VPS13D: variants seen among roughly 807,000 people sequenced by gnomAD.
VPS13D encodes intermembrane lipid transfer protein VPS13D.
Under a neutral mutation model 461.9 loss-of-function variants are expected in VPS13D, and 187 were observed. That is an observed-to-expected ratio of 0.40 (90% CI 0.36 to 0.46). The LOEUF (loss-of-function observed/expected upper bound fraction) is 0.46. Among genes scored for constraint, VPS13D ranks in the 20% least tolerant of loss-of-function variants. The pLI is 0.60. For missense variants in VPS13D, 4,711 were observed against 5,364.9 expected (o/e 0.88, Z 3.81); for synonymous variants, 1,951 against 1,986.3 (o/e 0.98, Z 0.47).
At chr1:12,337,585 A>C (rs948619580) in intron 39 of VPS13D, 5 of 152,244 alleles carry the variant, frequency 3.3e-5, no homozygotes, top group East Asian at 1.9e-4. Flanking sequence ...GGCTTTGTTC[A>C]GTCAGGGCTG....
intron 25 of VPS13D, among the ~76,000 whole-genome samples, chr1:12,302,402 T>TA (rs1642448524): frequency 6.6e-6 from 1 of 152,196 alleles, no homozygotes; most frequent in South Asian, 2.1e-4. Flanking sequence ...TTATCAGATA[T>TA]ATCTATGTAT....
intron 6 of VPS13D, among the ~76,000 whole-genome samples, chr1:12,250,725 G>A (rs1640706983): frequency 2.0e-5 from 3 of 152,266 alleles, no homozygotes; most frequent in South Asian, 2.1e-4. Flanking sequence ...CACGAGAGGC[G>A]GAGTGAAAAG....
At chr1:12,400,960 GCGCACACACACACACACACACACA>G (rs1318852131) in intron 61 of VPS13D, among the ~76,000 whole-genome samples, 5 of 130,964 alleles carry the variant, frequency 3.8e-5, no homozygotes, top group African/African-American at 6.1e-5. Context: ...ACCTGCGCGC[GCGCACACACACACACACACACACA>G]CACACACACA....
rs1644336618 is a variant in VPS13D, at chr1:12,385,315, C to T, written c.11426C>T (p.Pro3809Leu). ...SSRSYEVDEL[P>L]VTEQELQKLK... ...CGTTCATATGAAGTGGATGAACTTCCTGTCACCGAACAAGAGCTGCAGAAA... is the reference window on the plus strand; with the variant it reads ...CGTTCATATGAAGTGGATGAACTTCTTGTCACCGAACAAGAGCTGCAGAAA... The change falls in exon 59 of 70, where the codon CCT becomes CTT. Residue 3809 changes from proline to leucine, a missense_variant. Physicochemically the swap from Pro to Leu is moderately conservative, Grantham distance 98. Coordinates refer to ENST00000620676, the MANE Select transcript of VPS13D (RefSeq NM_015378.4). The T allele has an allele frequency of 6.2e-7, 1 of 1,613,852 alleles. No individual in the cohort carries two copies. Among genetic ancestry groups the T allele is most frequent in the African/African-American group, 1.3e-5 (1 of 74,910 alleles).
At chr1:12,425,787 C>A (rs1015840046) in intron 65 of VPS13D, among the ~76,000 whole-genome samples, 1 of 152,176 alleles carries the variant, frequency 6.6e-6, no homozygotes, top group East Asian at 1.9e-4. Flanking sequence ...TCTTCAGGAA[C>A]CTTGATTGAA....
At chr1:12,257,850 T>A in intron 9 of VPS13D, 85 bp from the exon 10 acceptor site, 1 of 1,461,604 alleles carries the variant, frequency 6.8e-7, no homozygotes, top group Non-Finnish European at 9.4e-7. Flanking sequence ...AGGAGAGGAG[T>A]GGGGTTATGT....
intron 50 of VPS13D, among the ~76,000 whole-genome samples, chr1:12,361,945 G>T (rs1415173818): frequency 6.6e-6 from 1 of 152,120 alleles, no homozygotes; most frequent in African/African-American, 2.4e-5. Context: ...TGCAACCTCT[G>T]CCTCCCAAGT....
rs572902328 is a variant in VPS13D, at chr1:12,256,426, A to G, written c.763A>G (p.Lys255Glu). ...TCTTTTGAAGAGAAACTGCTCCAAG[A>G]AGCCCCTGCGGTCTCGGCACAGTCC... ...SALLKRNCSKKPLRSRHSPRI... is the reference protein window; with the variant it reads ...SALLKRNCSKEPLRSRHSPRI... The change falls in exon 8 of 70, where the codon AAG (lysine) becomes GAG (glutamate). Residue 255 changes from lysine (K) to glutamate (E), a missense_variant. By Grantham distance (56) the Lys-to-Glu change is moderately conservative (BLOSUM62 1). Transcript: ENST00000620676. The G allele has an allele frequency of 1.9e-6, 3 of 1,614,162 alleles. No homozygotes were observed.
At chr1:12,331,244 T>C (rs1449064083) in intron 37 of VPS13D, among the ~76,000 whole-genome samples, 1 of 152,214 alleles carries the variant, frequency 6.6e-6, no homozygotes, top group Non-Finnish European at 1.5e-5. Flanking sequence ...AGAGTAGTGC[T>C]GGGCAGTCCA....
intron 67 of VPS13D, among the ~76,000 whole-genome samples, chr1:12,470,217 G>A (rs1315890355): frequency 2.0e-5 from 3 of 152,318 alleles, no homozygotes; most frequent in South Asian, 2.1e-4. Context: ...CTCACTTCTC[G>A]TTATGAGGAG....
In VPS13D at chr1:12,433,931, TGAGA is replaced by T. The variant is rs374176072; in HGVS notation, c.12333+17120_12333+17123del. ...GTAGGGGGTGGGGAGAGAGAGAGAG[TGAGA>T]GAGAGAGAGAGAGAGTGTGTGTGTG... On this transcript the variant is annotated intron_variant, in intron 65 of 69. Transcript: ENST00000620676. 9.2e-3 allele frequency among the ~76,000 whole-genome samples: 1,163 copies of T among 126,506 alleles called. 57 individuals carry two copies. The East Asian group carries it at 0.14, about 15-fold the overall frequency. 83.0% of individuals were successfully genotyped at this position (126,506 alleles called of 152,430 possible).
intron 51 of VPS13D, 106 bp from the exon 52 acceptor site, chr1:12,362,966 A>AC (rs1381606321): frequency 9.5e-6 from 15 of 1,578,818 alleles, no homozygotes; most frequent in African/African-American, 1.3e-5. Context: ...TGCCTTTGGT[A>AC]CCCAGATAGC....
intron 24 of VPS13D, among the ~76,000 whole-genome samples, chr1:12,295,779 G>A (rs1299493566): frequency 6.6e-6 from 1 of 152,174 alleles, no homozygotes; most frequent in East Asian, 1.9e-4. Context: ...TAAAGCATCA[G>A]GAAGACAGCT....
At chr1:12,475,163 G>A (rs1645613991) in intron 67 of VPS13D, among the ~76,000 whole-genome samples, 1 of 152,138 alleles carries the variant, frequency 6.6e-6, no homozygotes, top group Non-Finnish European at 1.5e-5. Context: ...TTCCCTTTGG[G>A]TACTGGAAGC....
At chr1:12,241,587 G>A (rs760418279) in intron 2 of VPS13D, among the ~76,000 whole-genome samples, 1 of 152,196 alleles carries the variant, frequency 6.6e-6, no homozygotes, top group South Asian at 2.1e-4. Flanking sequence ...TTGCATAGCC[G>A]GGAGAGTGAT....
chr1:12,429,197 G>C (rs573158053), intron 65 of VPS13D, among the ~76,000 whole-genome samples: 21 of 151,836 alleles, frequency 1.4e-4, no homozygotes, highest in Non-Finnish European at 2.8e-4. Flanking sequence ...CATGTGGGCT[G>C]TCTTTTATCT....
intron 27 of VPS13D, among the ~76,000 whole-genome samples, chr1:12,310,427 G>GC (rs1642701454): frequency 6.6e-6 from 1 of 152,172 alleles, no homozygotes; most frequent in Non-Finnish European, 1.5e-5. Flanking sequence ...GATTCACAAT[G>GC]CCCAGTTCAC....
At chr1:12,390,172 G>A (rs953241721) in intron 60 of VPS13D, among the ~76,000 whole-genome samples, 1 of 152,152 alleles carries the variant, frequency 6.6e-6, no homozygotes, top group African/African-American at 2.4e-5. Context: ...TTTTGCTAGT[G>A]GATCATTAGG....
At chr1:12,289,576 T>C (rs1642066084) in intron 22 of VPS13D, among the ~76,000 whole-genome samples, 1 of 152,068 alleles carries the variant, frequency 6.6e-6, no homozygotes, top group African/African-American at 2.4e-5. Flanking sequence ...TTTTTTTTTT[T>C]TCCTTCTTAC....
Sources: gnomAD v4.1 joint callset for allele counts (sites outside exome capture counted in the v4.1 genomes callset) on GRCh38, gnomAD v4.1.1 for gene constraint, MANE v1.5 for transcripts, NCBI Gene and HGNC (gene_info 2026-07-23, HGNC 2026-07-21) for gene names.